Variants in BZW2 observed in about 807,000 individuals in gnomAD.
BZW2 encodes the protein eIF5-mimic protein 1.
A neutral mutation model predicts 53.2 loss-of-function variants in BZW2; 23 were observed. That is an observed-to-expected ratio of 0.43 (90% CI 0.31 to 0.61). BZW2 has a LOEUF of 0.61. BZW2 is among the 20% of genes least tolerant of loss of function. The probability of loss-of-function intolerance (pLI) is 0.09; values close to 1 mark genes in which losing one functional copy is unlikely to be tolerated. For synonymous variants in BZW2, 227 were observed against 186.4 expected (o/e 1.22, Z -1.77); for missense variants, 409 against 503.1 (o/e 0.81, Z 1.79).
chr7:16,705,354 T>A (rs1208450978), intron 11 of BZW2, among the ~76,000 whole-genome samples: 3 of 148,862 alleles, frequency 2.0e-5, no homozygotes, highest in Non-Finnish European at 3.0e-5. Flanking sequence ...CAAGACTCCA[T>A]CTCGATAAAT....
chr7:16,684,487 T>C (rs1242276292), intron 5 of BZW2, among the ~76,000 whole-genome samples: 1 of 152,366 alleles, frequency 6.6e-6, no homozygotes, highest in East Asian at 1.9e-4. Context: ...GATCTAATTT[T>C]TGTACCATTT....
At chr7:16,703,307 T>TA (rs1267245165) in intron 10 of BZW2, among the ~76,000 whole-genome samples, 1 of 152,148 alleles carries the variant, frequency 6.6e-6, no homozygotes, top group Non-Finnish European at 1.5e-5. Flanking sequence ...CATGTTTTTT[T>TA]AAAAAACCTT....
At chr7:16,694,374 G>T (rs1783414008) in intron 7 of BZW2, among the ~76,000 whole-genome samples, 1 of 152,146 alleles carries the variant, frequency 6.6e-6, no homozygotes, top group African/African-American at 2.4e-5. Context: ...TCTGGTGAGG[G>T]CCTTCTTGCT....
At chr7:16,701,483 C>T (rs1271689106) in intron 10 of BZW2, among the ~76,000 whole-genome samples, 6 of 152,080 alleles carry the variant, frequency 3.9e-5, no homozygotes, top group African/African-American at 1.4e-4. Context: ...ATATTCCCAG[C>T]ATTCTTAGGG....
intron 1 of BZW2, among the ~76,000 whole-genome samples, chr7:16,654,517 C>A (rs920043625): frequency 1.5e-4 from 22 of 141,996 alleles, no homozygotes; most frequent in South Asian, 5.1e-4. Context: ...TAACCCCCCC[C>A]CCCCAAAAAA....
intron 1 of BZW2, among the ~76,000 whole-genome samples, chr7:16,660,947 G>A (rs1303958474): frequency 1.3e-5 from 2 of 152,138 alleles, no homozygotes; most frequent in African/African-American, 4.8e-5. Context: ...GTCCATGGCT[G>A]CTTTCACACT....
intron 3 of BZW2, among the ~76,000 whole-genome samples, chr7:16,681,055 G>A (rs1191866634): frequency 6.6e-6 from 1 of 152,148 alleles, no homozygotes; most frequent in African/African-American, 2.4e-5. Context: ...AGTGAGCCGA[G>A]ATTGTGCCAT....
chr7:16,666,185 C>T (rs1455086949), intron 2 of BZW2, among the ~76,000 whole-genome samples: 1 of 151,962 alleles, frequency 6.6e-6, no homozygotes, highest in Non-Finnish European at 1.5e-5. Flanking sequence ...TCCTCAAACA[C>T]CTGGGCTCAA....
At chr7:16,659,215 A>C (rs1782192642) in intron 1 of BZW2, among the ~76,000 whole-genome samples, 1 of 152,190 alleles carries the variant, frequency 6.6e-6, no homozygotes, top group African/African-American at 2.4e-5. Flanking sequence ...AGAGTTATTA[A>C]AGCCCAAATA....
intron 1 of BZW2, chr7:16,662,132 T>G (rs1424741809): frequency 6.6e-6 from 1 of 152,074 alleles, no homozygotes; most frequent in Non-Finnish European, 1.5e-5. Flanking sequence ...TGGAGCAGAT[T>G]ATAGTGTAGC....
chr7:16,676,801 G>A lies in BZW2; in HGVS notation c.235+2213G>A, dbSNP rs140028698. ...CATGACTGTAGTAGTCACTTATATG[G>A]ACCCTTTTCAGACTGAGTGACCTCT... On this transcript the variant is annotated intron_variant, in intron 3 of 11. Transcript: ENST00000258761. Among the ~76,000 whole-genome samples the A allele has an allele frequency of 4.3e-4, 65 of 152,144 alleles. No individual in the cohort carries two copies. In the Middle Eastern group the frequency reaches 0.02, roughly 48 times the overall value.
Position 16,651,696 on chromosome 7 carries a change from G to C in BZW2, c.-8+5408G>C, listed in dbSNP as rs537555887. ...GTATCCTATAGTGCTAGAAATTATG[G>C]TGCCATAAATTTTCTAATATTCGTA... On this transcript the variant is annotated intron_variant, in intron 1 of 11. Coordinates refer to ENST00000258761, the MANE Select transcript of BZW2 (RefSeq NM_014038.3). Among the ~76,000 whole-genome samples, 4 of 152,148 alleles carry C rather than the reference G, an allele frequency of 2.6e-5. No individual in the cohort carries two copies. The South Asian group carries it at 8.3e-4, about 32-fold the overall frequency.
At chr7:16,677,250 A>T (rs2128359836) in intron 3 of BZW2, among the ~76,000 whole-genome samples, 2 of 152,190 alleles carry the variant, frequency 1.3e-5, no homozygotes, top group Non-Finnish European at 2.9e-5. Context: ...CCTAATTAGC[A>T]TTTTAGTGAG....
At chr7:16,650,738 T>C (rs908238012) in intron 1 of BZW2, among the ~76,000 whole-genome samples, 2 of 152,244 alleles carry the variant, frequency 1.3e-5, no homozygotes, top group Non-Finnish European at 2.9e-5. Flanking sequence ...CATTCTTAAC[T>C]CACTCATTTC....
intron 3 of BZW2, among the ~76,000 whole-genome samples, chr7:16,678,624 G>A (rs1459524735): frequency 6.6e-6 from 1 of 152,096 alleles, no homozygotes; most frequent in Non-Finnish European, 1.5e-5. Context: ...AAACTTTTCA[G>A]TTTTATAATT....
rs943679886 is a variant in BZW2, at chr7:16,697,984, C to T, written c.970-64C>T. On this transcript the variant is annotated intron_variant, in intron 9 of 11. Transcript: ENST00000258761. ...AACCCTCCAGGTTACTGTTATAGTT[C>T]CAGCAGTGTCGGCTCTGTACCTCCC... 1.6e-5 allele frequency: 25 copies of T among 1,586,044 alleles called. No individual in the cohort carries two copies. In the African/African-American group the frequency reaches 2.8e-4, roughly 18 times the overall value.
intron 10 of BZW2, among the ~76,000 whole-genome samples, 199 bp from the exon 11 acceptor site, chr7:16,704,348 C>T (rs1397205578): frequency 6.6e-6 from 1 of 152,178 alleles, no homozygotes; most frequent in Non-Finnish European, 1.5e-5. Context: ...ATATCATCAT[C>T]ATCAGTACTT....
At chr7:16,682,010 T>C (rs371133591) in intron 4 of BZW2, among the ~76,000 whole-genome samples, 2 of 152,206 alleles carry the variant, frequency 1.3e-5, no homozygotes, top group East Asian at 3.9e-4. Flanking sequence ...TTTATTTCTT[T>C]TTCTTATTGT....
At chr7:16,678,955 G>A (rs1782854177) in intron 3 of BZW2, among the ~76,000 whole-genome samples, 1 of 152,084 alleles carries the variant, frequency 6.6e-6, no homozygotes, top group Non-Finnish European at 1.5e-5. Flanking sequence ...AATATCACAA[G>A]GCAGATGGGG....
Sources: gnomAD v4.1 joint callset for allele counts (sites outside exome capture counted in the v4.1 genomes callset) on GRCh38, gnomAD v4.1.1 for gene constraint, MANE v1.5 for transcripts, NCBI Gene and HGNC (gene_info 2026-07-23, HGNC 2026-07-21) for gene names.